The following SEMA5A variants were observed in gnomAD, a reference collection of about 807,000 sequenced individuals.
SEMA5A encodes the protein semaphorin 5A.
A neutral mutation model predicts 135.5 loss-of-function variants in SEMA5A; 55 were observed. The observed-to-expected ratio is 0.41, with a 90% CI of 0.33 to 0.51. The LOEUF (loss-of-function observed/expected upper bound fraction) is 0.51. Among genes scored for constraint, SEMA5A ranks in the 20% least tolerant of loss-of-function variants. The pLI is 0.37. For missense variants in SEMA5A, 1,290 were observed against 1,419.9 expected, an observed-to-expected ratio of 0.91 and a Z score of 1.47; for synonymous variants, 580 against 546.5, an observed-to-expected ratio of 1.06 and a Z score of -0.85.
At position 9,197,728 on chromosome 5, in the gene SEMA5A, T is replaced by TTGTATGTGTGTGTGTGTGTGTG. The variant is rs778921009; in HGVS notation, c.933-426_933-425insCACACACACACACACACATACA. On this transcript the variant is annotated intron_variant, in intron 9 of 22. Coordinates refer to ENST00000382496, the MANE Select transcript of SEMA5A (RefSeq NM_003966.3). ...TTTGCCCAGCAGCAGGGAAAGCTGT[T>TTGTATGTGTGTGTGTGTGTGTG]TGTGTGTGTGTGTGTGTGTGTGTGT... 2.4e-3 allele frequency among the ~76,000 whole-genome samples: 145 copies of TTGTATGTGTGTGTGTGTGTGTG among 59,244 alleles called. 2 individuals are homozygous for TTGTATGTGTGTGTGTGTGTGTG. The highest frequency in any genetic ancestry group is 5.9e-3 in the East Asian group (6 of 1,020). 38.9% of individuals were successfully genotyped at this position (59,244 alleles called of 152,430 possible).
At chr5:9,449,491 C>T (rs1021987475) in intron 1 of SEMA5A, among the ~76,000 whole-genome samples, 1 of 151,852 alleles carries the variant, frequency 6.6e-6, no homozygotes, top group South Asian at 2.1e-4. Context: ...GATGAGATGA[C>T]CTGTGCAACA....
intron 3 of SEMA5A, among the ~76,000 whole-genome samples, chr5:9,360,813 T>C (rs2126372518): frequency 6.6e-6 from 1 of 152,332 alleles, no homozygotes; most frequent in Non-Finnish European, 1.5e-5. Context: ...ATTCTTTTCA[T>C]TTTATAATTT....
intron 2 of SEMA5A, among the ~76,000 whole-genome samples, chr5:9,393,221 A>G (rs1756243043): frequency 2.0e-5 from 3 of 152,368 alleles, no homozygotes; most frequent in South Asian, 4.1e-4. Context: ...TAATGAAAAT[A>G]CAAAAATGAT....
intron 21 of SEMA5A, among the ~76,000 whole-genome samples, chr5:9,048,575 G>C (rs183796907): frequency 6.6e-6 from 1 of 152,182 alleles, no homozygotes; most frequent in African/African-American, 2.4e-5. Flanking sequence ...AACAACCCCA[G>C]GCCCTGTGCA....
chr5:9,523,828 A>G (rs574007684), intron 1 of SEMA5A, among the ~76,000 whole-genome samples: 1 of 152,260 alleles, frequency 6.6e-6, no homozygotes, highest in Non-Finnish European at 1.5e-5. Context: ...CCGCTCCCTT[A>G]CAGATGGTGT....
intron 1 of SEMA5A, among the ~76,000 whole-genome samples, chr5:9,448,599 T>C (rs916285547): frequency 6.6e-5 from 10 of 152,256 alleles, no homozygotes; most frequent in South Asian, 2.1e-4. Context: ...TGCTAAGCCA[T>C]TGAGATAGTA....
intron 11 of SEMA5A, among the ~76,000 whole-genome samples, chr5:9,166,616 A>T (rs1743622745): frequency 6.6e-6 from 1 of 152,212 alleles, no homozygotes; most frequent in Non-Finnish European, 1.5e-5. Context: ...GAGAAATGAC[A>T]ACTCTTTTAC....
In SEMA5A at chr5:9,035,264, A is replaced by G. The variant is rs1735585290; in HGVS notation, c.*7633T>C. The stretch of plus-strand genomic sequence containing the variant: ...GGATAGATCTTCAGAATGCTTTTTC[A>G]TAAAGATGAATAGGGTTGAGATACA... On this transcript the variant is annotated 3_prime_UTR_variant, in exon 23 of 23. Transcript: ENST00000382496. 1 of 152,352 alleles carries G rather than the reference A, an allele frequency of 6.6e-6. No homozygotes were observed. The highest frequency in any genetic ancestry group is 3.4e-3 in the Middle Eastern group (1 of 294). The allele number at this position is 152,352 out of a possible 1,614,324, so 9.4% of individuals were successfully genotyped here.
At chr5:9,302,277 C>T (rs1751647992) in intron 5 of SEMA5A, among the ~76,000 whole-genome samples, 1 of 152,152 alleles carries the variant, frequency 6.6e-6, no homozygotes, top group African/African-American at 2.4e-5. Context: ...CATTTTTCAG[C>T]CTACTGCATG....
intron 16 of SEMA5A, among the ~76,000 whole-genome samples, chr5:9,088,659 T>TATATATATATATATATATATATATATAC: frequency 3.5e-5 from 4 of 112,870 alleles, no homozygotes; most frequent in African/African-American, 1.7e-4. Context: ...TATATATATA[T>TATATATATATATATATATATATATATAC]ACACACACAC....
intron 1 of SEMA5A, among the ~76,000 whole-genome samples, chr5:9,455,131 G>A (rs1486931527): frequency 6.6e-6 from 1 of 152,082 alleles, no homozygotes; most frequent in Non-Finnish European, 1.5e-5. Context: ...CATAAGATGG[G>A]GCTTTACCTG....
intron 21 of SEMA5A, among the ~76,000 whole-genome samples, chr5:9,047,842 A>G (rs533968568): frequency 1.1e-4 from 16 of 152,182 alleles, no homozygotes; most frequent in Non-Finnish European, 2.1e-4. Flanking sequence ...GATTTAACCA[A>G]TAGCATCTCA....
intron 11 of SEMA5A, among the ~76,000 whole-genome samples, chr5:9,170,146 A>G (rs1181692361): frequency 6.6e-6 from 1 of 152,126 alleles, no homozygotes; most frequent in East Asian, 1.9e-4. Flanking sequence ...GGGTCTGTGC[A>G]TTCTGAGGGC....
chr5:9,236,149 G>A (rs1402115368), intron 6 of SEMA5A, among the ~76,000 whole-genome samples: 1 of 152,122 alleles, frequency 6.6e-6, no homozygotes. Flanking sequence ...AATTATGGAA[G>A]CTATAATTCA....
intron 2 of SEMA5A, among the ~76,000 whole-genome samples, chr5:9,412,864 C>T (rs1437513808): frequency 6.6e-6 from 1 of 152,120 alleles, no homozygotes; most frequent in Non-Finnish European, 1.5e-5. Flanking sequence ...GATTTTGGAT[C>T]ACTTTGGACT....
intron 13 of SEMA5A, among the ~76,000 whole-genome samples, chr5:9,123,089 C>A (rs1189169875): frequency 6.6e-6 from 1 of 151,044 alleles, no homozygotes; most frequent in African/African-American, 2.4e-5. Flanking sequence ...CCCGTCTCCA[C>A]TAAAAATACA....
chr5:9,386,465 G>A (rs1755894997), intron 2 of SEMA5A, among the ~76,000 whole-genome samples: 1 of 152,112 alleles, frequency 6.6e-6, no homozygotes, highest in African/African-American at 2.4e-5. Context: ...CTTCCCTGTG[G>A]TCCCTCTCAC....
chr5:9,088,659 T>TATATATATATATACACACACAC, intron 16 of SEMA5A, among the ~76,000 whole-genome samples: 1 of 112,870 alleles, frequency 8.9e-6, no homozygotes. Flanking sequence ...TATATATATA[T>TATATATATATATACACACACAC]ACACACACAC....
intron 4 of SEMA5A, among the ~76,000 whole-genome samples, chr5:9,329,353 A>T (rs866896528): frequency 6.6e-6 from 1 of 152,194 alleles, no homozygotes; most frequent in Admixed American, 6.5e-5. Context: ...CAGCCACAGA[A>T]GATGTGTGAA....
Sources: allele counts gnomAD v4.1 joint callset (sites outside exome capture counted in the v4.1 genomes callset), GRCh38; gene constraint gnomAD v4.1.1; transcripts MANE v1.5; gene names NCBI Gene and HGNC (gene_info 2026-07-23, HGNC 2026-07-21).